The following PLA2R1 variants were observed in gnomAD, a reference collection of about 807,000 sequenced individuals.
The protein encoded by PLA2R1 is phospholipase A2 receptor 1, also known as secretory phospholipase A2 receptor.
In PLA2R1, 158 loss-of-function variants were observed where a neutral mutation model predicts 195.9. The ratio of observed to expected loss-of-function variants is 0.81; its 90% CI spans 0.71 to 0.92. The LOEUF (loss-of-function observed/expected upper bound fraction) is 0.92. Ranked by LOEUF, PLA2R1 falls within the 40% of genes least tolerant of loss-of-function variation. The pLI, the probability that PLA2R1 is intolerant of heterozygous loss-of-function variation, is 0.00. For synonymous variants in PLA2R1, 586 were observed against 598.2 expected (o/e 0.98, Z 0.30); for missense variants, 1,626 against 1,764.6 (o/e 0.92, Z 1.41).
intron 17 of PLA2R1, among the ~76,000 whole-genome samples, chr2:159,975,334 G>A (rs1225948257): frequency 6.6e-6 from 1 of 152,068 alleles, no homozygotes; most frequent in East Asian, 1.9e-4. Context: ...ACTTGATAAT[G>A]AATGCTTATT....
chr2:160,029,070 G>T, intron 4 of PLA2R1, 107 bp from the exon 5 acceptor site: 1 of 683,962 alleles, frequency 1.5e-6, no homozygotes, highest in Non-Finnish European at 2.7e-6. Context: ...AGTCAATGAC[G>T]GGAAAGGTGC....
rs1694134275 is a variant in PLA2R1, at chr2:160,035,854, A to G, written c.668-2722T>C. ...ATGTATACCTTGTTTAAGGCCATCA[A>G]TGACCCCTGTGTTGCCAAATTCAGC... On this transcript the variant is annotated intron_variant, in intron 3 of 29. Coordinates refer to ENST00000283243, the MANE Select transcript of PLA2R1 (RefSeq NM_007366.5). 3.3e-5 allele frequency among the ~76,000 whole-genome samples: 5 copies of G among 152,296 alleles called. No individual in the cohort carries two copies. In the South Asian group the frequency reaches 6.2e-4, roughly 19 times the overall value.
intron 10 of PLA2R1, among the ~76,000 whole-genome samples, chr2:160,009,970 C>T (rs538723402): frequency 2.6e-5 from 4 of 151,968 alleles, no homozygotes; most frequent in African/African-American, 9.7e-5. Context: ...ATTAGCCAGG[C>T]ATGGTGGTAC....
intron 9 of PLA2R1, among the ~76,000 whole-genome samples, chr2:160,015,116 C>T (rs755179721): frequency 2.6e-5 from 4 of 152,104 alleles, no homozygotes; most frequent in Non-Finnish European, 4.4e-5. Flanking sequence ...ACAATGAATA[C>T]GGGAAGGATA....
At chr2:160,024,040 C>T (rs1002244548) in intron 6 of PLA2R1, among the ~76,000 whole-genome samples, 16 of 152,154 alleles carry the variant, frequency 1.1e-4, no homozygotes, top group South Asian at 2.1e-4. Flanking sequence ...CCTGCAGCCC[C>T]CACAGGCACT....
the PLA2R1 span, among the ~76,000 whole-genome samples, chr2:159,924,342 C>A: frequency 6.6e-6 from 1 of 152,186 alleles, no homozygotes; most frequent in Non-Finnish European, 1.5e-5. Flanking sequence ...CATTCGGATT[C>A]CAGGGATTAG....
intron 1 of PLA2R1, among the ~76,000 whole-genome samples, chr2:160,062,085 C>T (rs1695997335): frequency 6.6e-6 from 1 of 151,916 alleles, no homozygotes; most frequent in African/African-American, 2.4e-5. Context: ...GGTGCCGGGC[C>T]GCGCAAGTGG....
intron 26 of PLA2R1, 101 bp downstream of exon 26, chr2:159,947,318 A>T: frequency 9.7e-7 from 1 of 1,034,686 alleles, no homozygotes; most frequent in South Asian, 1.6e-5. Flanking sequence ...TGTTGCTCCT[A>T]AAGTCACTAA....
intron 17 of PLA2R1, 149 bp downstream of exon 17, chr2:159,975,919 A>C: frequency 1.5e-6 from 1 of 664,664 alleles, no homozygotes; most frequent in Non-Finnish European, 2.6e-6. Flanking sequence ...AAATTCTCAA[A>C]AATCTATGGC....
chr2:159,971,759 T>C (rs752801098), intron 17 of PLA2R1, among the ~76,000 whole-genome samples: 2 of 152,182 alleles, frequency 1.3e-5, no homozygotes, highest in African/African-American at 2.4e-5. Context: ...TAAGATACAT[T>C]ATTTTTCCAT....
chr2:160,018,892 A>T (rs1290079990), intron 8 of PLA2R1, among the ~76,000 whole-genome samples: 1 of 152,238 alleles, frequency 6.6e-6, no homozygotes, highest in East Asian at 1.9e-4. Context: ...TACTTTGTCA[A>T]GCCACATCAG....
At position 159,949,606 on chromosome 2, in the gene PLA2R1, A is replaced by G; in HGVS notation, c.3709+2T>C. On this transcript the variant is annotated splice_donor_variant, in intron 25 of 29. Coordinates refer to ENST00000283243, the MANE Select transcript of PLA2R1 (RefSeq NM_007366.5). LOFTEE classifies it high-confidence loss of function. ...TTTTGAGTTGAATAGAATTGAACCT[A>G]CCAGGTGGCACATGACAAATGGCAC... 6.2e-7 allele frequency: 1 copy of G among 1,610,274 alleles called. No homozygotes were observed.
At chr2:159,956,655 T>G in intron 20 of PLA2R1, 28 bp from the exon 21 acceptor site, 1 of 1,267,730 alleles carries the variant, frequency 7.9e-7, no homozygotes, top group Non-Finnish European at 1.2e-6. Flanking sequence ...AACAAAACAT[T>G]CATTTCTGTA....
At chr2:160,044,358 G>A (rs911513772) in intron 2 of PLA2R1, among the ~76,000 whole-genome samples, 1 of 152,142 alleles carries the variant, frequency 6.6e-6, no homozygotes, top group Non-Finnish European at 1.5e-5. Context: ...ACCTCCATAG[G>A]TGGGGATGAG....
chr2:160,039,045 T>C (rs1694355690), intron 3 of PLA2R1, among the ~76,000 whole-genome samples: 1 of 152,056 alleles, frequency 6.6e-6, no homozygotes, highest in Non-Finnish European at 1.5e-5. Flanking sequence ...TTTGTATTTT[T>C]AGTAGAGATG....
At chr2:160,004,689 A>G (rs1203322287) in intron 11 of PLA2R1, among the ~76,000 whole-genome samples, 5 of 152,182 alleles carry the variant, frequency 3.3e-5, no homozygotes, top group Non-Finnish European at 7.4e-5. Context: ...GGCAAGCAAG[A>G]ACTCACCCTG....
chr2:159,948,535 C>G (rs1457030331), intron 25 of PLA2R1, among the ~76,000 whole-genome samples: 2 of 151,398 alleles, frequency 1.3e-5, no homozygotes, highest in African/African-American at 2.4e-5. Flanking sequence ...CAGCCACCTT[C>G]CTTACAAGTT....
At position 160,020,185 on chromosome 2, in the gene PLA2R1, A is replaced by G. The variant is rs1156607603; in HGVS notation, c.1373T>C (p.Val458Ala). 1 of 1,612,094 alleles carries G rather than the reference A, an allele frequency of 6.2e-7. No homozygotes were observed. Among genetic ancestry groups the G allele is most frequent in the South Asian group, 1.1e-5 (1 of 91,044 alleles). The change falls in exon 8 of 30, where the codon GTC becomes GCC. Residue 458 changes from valine to alanine, a missense_variant. Val to Ala is a moderately conservative substitution (Grantham distance 64). Transcript: ENST00000283243. ...VSFEWSNDSS[V>A]IFTNWHTLEP... is the part of the protein sequence containing the mutation. ...AAGTGTGTGCCAATTAGTAAAGATG[A>G]CTGAAGAGTCATTAGACCATTCAAA...
intron 4 of PLA2R1, among the ~76,000 whole-genome samples, chr2:160,029,536 C>T (rs915135470): frequency 6.6e-6 from 1 of 152,142 alleles, no homozygotes; most frequent in Non-Finnish European, 1.5e-5. Flanking sequence ...AGTTTAATGG[C>T]AGGCTGGCTC....
Sources: allele counts gnomAD v4.1 joint callset (sites outside exome capture counted in the v4.1 genomes callset), GRCh38; gene constraint gnomAD v4.1.1; transcripts MANE v1.5; gene names NCBI Gene and HGNC (gene_info 2026-07-23, HGNC 2026-07-21).